The following CEP250 variants were observed in gnomAD, a reference collection of about 807,000 sequenced individuals.
The protein encoded by CEP250 is centrosome-associated protein CEP250.
A neutral mutation model predicts 315.7 loss-of-function variants in CEP250; 242 were observed. That is an observed-to-expected ratio of 0.77 (90% confidence interval 0.69 to 0.85). The LOEUF (loss-of-function observed/expected upper bound fraction) is 0.85, where lower values mean the gene tolerates loss of function less well. CEP250 is among the 40% of genes least tolerant of loss of function. CEP250 has a pLI of 0.00. For missense variants in CEP250, 2,515 were observed against 2,886.4 expected, an observed-to-expected ratio of 0.87 and a Z score of 2.95; for synonymous variants, 1,088 against 1,175.0, an observed-to-expected ratio of 0.93 and a Z score of 1.51.
Position 35,512,038 on chromosome 20 carries a change from G to T in CEP250, c.*412G>T, listed in dbSNP as rs1354336888. On this transcript the variant is annotated 3_prime_UTR_variant, in exon 35 of 35. Coordinates refer to ENST00000397527, the MANE Select transcript of CEP250 (RefSeq NM_007186.6). The stretch of plus-strand genomic sequence containing the variant: ...GCACCACATCAAGGGAGTTTATCTG[G>T]GAAGAACTTGCCAAAGATTCCTGTT... 9.8e-7 allele frequency: 1 copy of T among 1,022,654 alleles called. No individual in the cohort carries two copies. Among genetic ancestry groups the T allele is most frequent in the African/African-American group, 1.7e-5 (1 of 58,372 alleles). 63.3% of individuals were successfully genotyped at this position (1,022,654 alleles called of 1,614,324 possible). A position where few individuals can be genotyped will look rare whatever the true frequency, so the allele number is the denominator to read the frequency against.
chr20:35,493,573 G>T lies in CEP250; in HGVS notation c.3033+1G>T, dbSNP rs1166665668. 6.5e-7 allele frequency: 1 copy of T among 1,532,814 alleles called. No individual in the cohort carries two copies. The highest frequency in any genetic ancestry group is 2.2e-5 in the Admixed American group (1 of 45,838). 95.0% of individuals were successfully genotyped at this position (1,532,814 alleles called of 1,614,324 possible). A position where few individuals can be genotyped will look rare whatever the true frequency, so the allele number is the denominator to read the frequency against. ...GGATAAGATGGACCTGCAGAAGCAG[G>T]TCCCCTCCTCCTCCCCACCAAGTCC... is the stretch of plus-strand genomic sequence containing the variant. On this transcript the variant is annotated splice_donor_variant, in intron 23 of 34. Coordinates refer to ENST00000397527, the MANE Select transcript of CEP250 (RefSeq NM_007186.6). LOFTEE classifies it high-confidence loss of function.
chr20:35,493,330 A>T (rs1343739401), intron 22 of CEP250, 99 bp from the exon 23 acceptor site: 1 of 1,133,400 alleles, frequency 8.8e-7, no homozygotes, highest in Non-Finnish European at 1.2e-6. Context: ...AACAATGTGG[A>T]TTGCTGGCTC....
At chr20:35,472,900 C>T (rs933556857) in intron 12 of CEP250, 69 bp downstream of exon 12, 6 of 1,492,066 alleles carry the variant, frequency 4.0e-6, no homozygotes, top group South Asian at 1.2e-5. Flanking sequence ...CCTCAGGTAC[C>T]TCCCTAGCCT....
rs933826974 is a variant in CEP250 at position 35,512,393 on chromosome 20, A to G, written c.*767A>G. On this transcript the variant is annotated 3_prime_UTR_variant, in exon 35 of 35. Coordinates refer to ENST00000397527, the MANE Select transcript of CEP250 (RefSeq NM_007186.6). ...GAGCGGGGAGATTTTGGAGGGTTAAAAGAAGTTCTGGGGCCTCAAAAACAC... is the reference window on the plus strand; with the variant it reads ...GAGCGGGGAGATTTTGGAGGGTTAAGAGAAGTTCTGGGGCCTCAAAAACAC... 2 of 152,150 alleles carry G rather than the reference A, an allele frequency of 1.3e-5. No homozygotes were observed. The highest frequency in any genetic ancestry group is 4.8e-5 in the African/African-American group (2 of 41,430). The allele number at this position is 152,150 out of a possible 1,614,324, so 9.4% of individuals were successfully genotyped here.
Position 35,516,356 on chromosome 20 carries a change from C to G in CEP250, c.*4730C>G, listed in dbSNP as rs1419689743. 2.6e-5 allele frequency: 4 copies of G among 152,232 alleles called. No homozygotes were observed. Among genetic ancestry groups the G allele is most frequent in the South Asian group, 4.1e-4 (2 of 4,838 alleles). The allele number at this position is 152,232 out of a possible 1,614,324, so 9.4% of individuals were successfully genotyped here. A position where few individuals can be genotyped will look rare whatever the true frequency, so the allele number is the denominator to read the frequency against. On this transcript the variant is annotated 3_prime_UTR_variant, in exon 35 of 35. Coordinates refer to ENST00000397527, the MANE Select transcript of CEP250 (RefSeq NM_007186.6). Reference sequence around the variant, plus strand: ...CCCTTGCACCTCCTGTCTTGGTTTCCTATCAAAACCTCTCCCGTATCTATG... The same window carrying G: ...CCCTTGCACCTCCTGTCTTGGTTTCGTATCAAAACCTCTCCCGTATCTATG...
At chr20:35,474,090 CTT>C (rs1458825108) in intron 14 of CEP250, 38 bp downstream of exon 14, 1 of 1,462,730 alleles carries the variant, frequency 6.8e-7, no homozygotes, top group African/African-American at 1.5e-5. Flanking sequence ...GGGCCCTGGT[CTT>C]TCTTCAATTC....
rs1218725133 is a variant in CEP250, at chr20:35,503,355, G to T, written c.4986G>T (p.Leu1662=). Residue 1662 remains leucine, a synonymous_variant, in exon 30 of 35, where the codon CTG becomes CTT. Transcript: ENST00000397527. The surrounding 1 kb of genome is among the most constrained non-coding windows in gnomAD (Gnocchi z 4.2). The part of the protein sequence containing the change: ...DLERRDQELM[L]QKERIQVLED... ...AGAGGAGAGACCAGGAGCTGATGCT[G>T]CAGAAGGAGAGGATTCAGGTTCTCG... 1.2e-6 allele frequency: 2 copies of T among 1,614,044 alleles called. No homozygotes were observed. Among genetic ancestry groups the T allele is most frequent in the Non-Finnish European group, 1.7e-6 (2 of 1,180,032 alleles).
Position 35,472,052 on chromosome 20 carries a change from G to A in CEP250, c.951G>A (p.Glu317=). The A allele has an allele frequency of 6.3e-7, 1 of 1,597,984 alleles. No homozygotes were observed. The highest frequency in any genetic ancestry group is 8.6e-7 in the Non-Finnish European group (1 of 1,165,348). The part of the protein sequence containing the change: ...KALRETVEIL[E]TNHTELMEHE... Reference sequence around the variant, plus strand: ...GCTCTGTTCTATTCCCTGTTCAGGAGACAAATCACACAGAATTAATGGAAC... The same window carrying A: ...GCTCTGTTCTATTCCCTGTTCAGGAAACAAATCACACAGAATTAATGGAAC... Residue 317 remains glutamate (E), a splice_region_variant and synonymous_variant, in exon 11 of 35, where the codon GAG becomes GAA. Transcript: ENST00000397527.
chr20:35,467,614 G>T lies in CEP250; in HGVS notation c.851+59G>T, dbSNP rs2062920223. On this transcript the variant is annotated intron_variant, in intron 9 of 34. Coordinates refer to ENST00000397527, the MANE Select transcript of CEP250 (RefSeq NM_007186.6). ...TGAGAGAGAGCTGACTCCTTTAGAG[G>T]GTTAGGGACAGGCAGGGGGAGGTGC... The T allele has an allele frequency of 1.2e-5, 19 of 1,553,532 alleles. No individual in the cohort carries two copies. In the South Asian group the frequency reaches 2.2e-4, roughly 18 times the overall value.
rs745482365 is a variant in CEP250, at chr20:35,476,435, T to A, written c.1717-14T>A. ...TTGGAAATATGAAACTCTTTAATCCTTTTTGTTTTTTAGGCAGAGCAGTCA... is the reference window on the plus strand; with the variant it reads ...TTGGAAATATGAAACTCTTTAATCCATTTTGTTTTTTAGGCAGAGCAGTCA... On this transcript the variant is annotated splice_polypyrimidine_tract_variant and intron_variant, in intron 15 of 34. Transcript: ENST00000397527. 4 of 1,607,650 alleles carry A rather than the reference T, an allele frequency of 2.5e-6. No individual in the cohort carries two copies. The highest frequency in any genetic ancestry group is 2.6e-6 in the Non-Finnish European group (3 of 1,174,994).
chr20:35,501,060 G>A (rs1046585018), intron 28 of CEP250, among the ~76,000 whole-genome samples: 4 of 152,196 alleles, frequency 2.6e-5, no homozygotes, highest in African/African-American at 9.7e-5. Flanking sequence ...TTGGGAGAAA[G>A]CAAAGAGAGG....
Position 35,503,696 on chromosome 20 carries a change from G to A in CEP250, c.5327G>A (p.Arg1776Gln), listed in dbSNP as rs769073349. Residue 1776 changes from arginine (R) to glutamine (Q), a missense_variant, in exon 30 of 35, where the codon CGA (arginine) becomes CAA (glutamine). By Grantham distance (43) the Arg-to-Gln change is conservative. Transcript: ENST00000397527. The surrounding 1 kb of genome is among the most constrained non-coding windows in gnomAD (Gnocchi z 4.2). ...GAGACCAGCCTCCTCCTGTCCCAGC[G>A]AGAGCAGGAAATAGTGGTCCTGCAG... ...VGETSLLLSQ[R>Q]EQEIVVLQQQ... 9 of 1,613,950 alleles carry A rather than the reference G, an allele frequency of 5.6e-6. No homozygotes were observed. The highest frequency in any genetic ancestry group is 2.7e-5 in the African/African-American group (2 of 74,922).
At position 35,504,679 on chromosome 20, in the gene CEP250, G is replaced by C; in HGVS notation, c.6310G>C (p.Ala2104Pro). 1 of 1,614,174 alleles carries C rather than the reference G, an allele frequency of 6.2e-7. No individual in the cohort carries two copies. Among genetic ancestry groups the C allele is most frequent in the Non-Finnish European group, 8.5e-7 (1 of 1,180,026 alleles). ...QSVRELQLTL[A>P]QKEQEILELR... ...TGTAAGGGAGCTACAGCTGACTCTAGCCCAAAAGGAACAGGAGATTCTGGA... is the reference window on the plus strand; with the variant it reads ...TGTAAGGGAGCTACAGCTGACTCTACCCCAAAAGGAACAGGAGATTCTGGA... The change falls in exon 30 of 35, where the codon GCC (alanine) becomes CCC (proline). Residue 2104 changes from alanine (A) to proline (P), a missense_variant. Ala to Pro is a conservative substitution (Grantham distance 27). Coordinates refer to ENST00000397527, the MANE Select transcript of CEP250 (RefSeq NM_007186.6).
At position 35,515,057 on chromosome 20, in the gene CEP250, A is replaced by G. The variant is rs2064421345; in HGVS notation, c.*3431A>G. 6.6e-6 allele frequency: 1 copy of G among 152,156 alleles called. No homozygotes were observed. The highest frequency in any genetic ancestry group is 2.4e-5 in the African/African-American group (1 of 41,408). 9.4% of individuals were successfully genotyped at this position (152,156 alleles called of 1,614,324 possible). On this transcript the variant is annotated 3_prime_UTR_variant, in exon 35 of 35. Coordinates refer to ENST00000397527, the MANE Select transcript of CEP250 (RefSeq NM_007186.6). ...CACAGTGTGGTGCTCAGTGATGGTT[A>G]TCCTATATTCCAAATACGCATGGCC... is the stretch of plus-strand genomic sequence containing the variant.
At position 35,497,771 on chromosome 20, in the gene CEP250, AG is replaced by A. The variant is rs772665276; in HGVS notation, c.3361del (p.Glu1121LysfsTer43). On this transcript the variant is annotated frameshift_variant, in exon 26 of 35. Coordinates refer to ENST00000397527, the MANE Select transcript of CEP250 (RefSeq NM_007186.6). LOFTEE classifies it high-confidence loss of function. ...VKEKEADFLAQEAQLLEELEA... is the reference protein window; with the variant it reads ...VKEKEADFLAXEAQLLEELEA... ...GAAAAGGAGGCTGACTTTCTGGCCC[AG>A]GAAGCACAGCTGCTGGAGGAGCTGG... The A allele has an allele frequency of 1.3e-6, 2 of 1,560,866 alleles. No homozygotes were observed. The highest frequency in any genetic ancestry group is 1.7e-6 in the Non-Finnish European group (2 of 1,151,774).
intron 1 of CEP250, 142 bp from the exon 2 acceptor site, chr20:35,458,162 A>G (rs1338332884): frequency 6.6e-6 from 1 of 152,210 alleles, no homozygotes; most frequent in African/African-American, 2.4e-5. Context: ...TAGTCCTTGT[A>G]GCATTTATGC....
chr20:35,497,999 T>C lies in CEP250; in HGVS notation c.3587T>C (p.Val1196Ala), dbSNP rs1245251234. ...YSALQQALGS[V>A]CESRPELSGG... ...GCCCTGCAGCAGGCCCTGGGGTCTG[T>C]TTGTGAGAGCAGGCCTGAGCTGAGT... Residue 1196 changes from valine (V) to alanine (A), a missense_variant, in exon 26 of 35, where the codon GTT becomes GCT. By Grantham distance (64) the Val-to-Ala change is moderately conservative. Transcript: ENST00000397527. 6.2e-7 allele frequency: 1 copy of C among 1,612,752 alleles called. No homozygotes were observed. The highest frequency in any genetic ancestry group is 8.5e-7 in the Non-Finnish European group (1 of 1,179,412).
At chr20:35,497,251 G>T (rs183906456) in intron 25 of CEP250, among the ~76,000 whole-genome samples, 2 of 152,320 alleles carry the variant, frequency 1.3e-5, no homozygotes, top group Admixed American at 1.3e-4. Flanking sequence ...TTGAATGTAA[G>T]CTTTCTAATT....
intron 23 of CEP250, 107 bp downstream of exon 23, chr20:35,493,679 G>T: frequency 8.9e-7 from 1 of 1,120,188 alleles, no homozygotes; most frequent in African/African-American, 1.6e-5. Flanking sequence ...TGCCTGGTTT[G>T]GGAGGGTAGA....
Sources: gnomAD v4.1 joint callset for allele counts (sites outside exome capture counted in the v4.1 genomes callset) on GRCh38, gnomAD v4.1.1 for gene constraint, Gnocchi (gnomAD v3.1) non-coding constraint, MANE v1.5 for transcripts, NCBI Gene and HGNC (gene_info 2026-07-23, HGNC 2026-07-21) for gene names.